Variants in MAPK10 observed in about 807,000 individuals in gnomAD.
MAPK10 encodes JNK3 alpha protein kinase.
MAPK10 carries 25 observed loss-of-function variants against 59.3 expected under a neutral mutation model. That is an observed-to-expected ratio of 0.42 (90% confidence interval 0.31 to 0.59). The LOEUF is 0.59. Among genes scored for constraint, MAPK10 ranks in the 20% least tolerant of loss-of-function variants. The pLI is 0.15. For missense variants in MAPK10, 351 were observed against 568.9 expected, an observed-to-expected ratio of 0.62 and a Z score of 3.90; for synonymous variants, 190 against 200.5, an observed-to-expected ratio of 0.95 and a Z score of 0.44.
chr4:86,227,411 CGGGA>C (rs1433957122), intron 2 of MAPK10, among the ~76,000 whole-genome samples: 2 of 149,454 alleles, frequency 1.3e-5, no homozygotes, highest in Non-Finnish European at 3.0e-5. Context: ...GGCGTGAACC[CGGGA>C]GGTGGAGCTT....
At chr4:86,168,204 G>C (rs967989530) in intron 3 of MAPK10, among the ~76,000 whole-genome samples, 5 of 152,236 alleles carry the variant, frequency 3.3e-5, no homozygotes, top group African/African-American at 1.2e-4. Flanking sequence ...GTGCCAGACA[G>C]TGGGTGCAGG....
chr4:86,501,103 C>A (rs1416561509), intron 1 of MAPK10, among the ~76,000 whole-genome samples: 1 of 115,042 alleles, frequency 8.7e-6, no homozygotes, highest in African/African-American at 3.5e-5. Context: ...ATGTGAAACT[C>A]TCTACGATCT....
intron 4 of MAPK10, among the ~76,000 whole-genome samples, chr4:86,115,918 T>A (rs1475289934): frequency 6.6e-6 from 1 of 152,230 alleles, no homozygotes; most frequent in East Asian, 1.9e-4. Flanking sequence ...TTGTGTTTGT[T>A]CTTTTTCACC....
intron 1 of MAPK10, among the ~76,000 whole-genome samples, chr4:86,548,320 A>C (rs1326246412): frequency 6.6e-6 from 1 of 152,112 alleles, no homozygotes; most frequent in Admixed American, 6.6e-5. Context: ...CTCCAAACAC[A>C]TCCGAACATC....
At chr4:86,565,132 C>T (rs1334632881) in intron 1 of MAPK10, among the ~76,000 whole-genome samples, 1 of 152,144 alleles carries the variant, frequency 6.6e-6, no homozygotes, top group East Asian at 1.9e-4. Flanking sequence ...GATGAGTCCG[C>T]CTCCTACTGT....
chr4:86,444,599 C>T (rs1432022696), intron 1 of MAPK10, among the ~76,000 whole-genome samples: 2 of 151,768 alleles, frequency 1.3e-5, no homozygotes, highest in African/African-American at 4.8e-5. Flanking sequence ...AGCTTCTGCA[C>T]AGCAAAAGAA....
chr4:86,315,732 A>G (rs2095770519), intron 2 of MAPK10, among the ~76,000 whole-genome samples: 1 of 152,118 alleles, frequency 6.6e-6, no homozygotes, highest in South Asian at 2.1e-4. Flanking sequence ...TTTCTAATGC[A>G]AATAACCAAA....
intron 1 of MAPK10, among the ~76,000 whole-genome samples, chr4:86,520,189 C>T (rs1258568859): frequency 6.6e-6 from 1 of 152,260 alleles, no homozygotes; most frequent in South Asian, 2.1e-4. Context: ...AAGTTTTCCT[C>T]GATTATTCCC....
At chr4:86,561,290 ACT>A (rs1186128082) in intron 1 of MAPK10, among the ~76,000 whole-genome samples, 1 of 152,012 alleles carries the variant, frequency 6.6e-6, no homozygotes, top group Non-Finnish European at 1.5e-5. Context: ...GTCCTGCAAG[ACT>A]CTGTCAGTTG....
intron 4 of MAPK10, among the ~76,000 whole-genome samples, chr4:86,127,223 C>CATCCTACTA (rs2060220555): frequency 1.5e-5 from 2 of 130,122 alleles, no homozygotes; most frequent in South Asian, 4.9e-4. Context: ...AAAAAAAAAG[C>CATCCTACTA]ATCCTACTAC....
At chr4:86,232,042 C>T (rs1170205471) in intron 2 of MAPK10, among the ~76,000 whole-genome samples, 1 of 152,222 alleles carries the variant, frequency 6.6e-6, no homozygotes, top group Non-Finnish European at 1.5e-5. Context: ...TAAAAAGTCA[C>T]ATAGTCAATA....
At chr4:86,121,439 C>A (rs1212995317) in intron 4 of MAPK10, among the ~76,000 whole-genome samples, 1 of 152,102 alleles carries the variant, frequency 6.6e-6, no homozygotes, top group Non-Finnish European at 1.5e-5. Flanking sequence ...CTAACAATAT[C>A]ACATTGGAGA....
chr4:86,169,247 C>G (rs2073142319), intron 3 of MAPK10, among the ~76,000 whole-genome samples: 1 of 152,184 alleles, frequency 6.6e-6, no homozygotes, highest in Non-Finnish European at 1.5e-5. Context: ...AAGAAGGCTA[C>G]AGACGATCAA....
Position 86,359,878 on chromosome 4 carries a change from T to C in MAPK10, c.-342A>G. ...TGAGGGGTGAGGACAAAAAAGGAAA[T>C]TTGTAAAAATGAAAAAAGAAAAGAA... On this transcript the variant is annotated 5_prime_UTR_variant, in exon 1 of 14. Transcript: ENST00000641462. The C allele has an allele frequency of 1.0e-6, 1 of 985,290 alleles. No homozygotes were observed. 61.0% of individuals were successfully genotyped at this position (985,290 alleles called of 1,614,324 possible). A position where few individuals can be genotyped will look rare whatever the true frequency, so the allele number is the denominator to read the frequency against.
chr4:86,263,866 T>A (rs1007531925), intron 2 of MAPK10, among the ~76,000 whole-genome samples: 4 of 152,194 alleles, frequency 2.6e-5, no homozygotes, highest in African/African-American at 9.7e-5. Context: ...ATTGATAACA[T>A]CATTGTAACC....
chr4:86,549,946 G>A (rs1759624889), intron 1 of MAPK10, among the ~76,000 whole-genome samples: 2 of 152,194 alleles, frequency 1.3e-5, no homozygotes, highest in East Asian at 3.9e-4. Context: ...AGGTTTCTAG[G>A]AATTTTTCAG....
chr4:86,266,915 T>A (rs564210652), intron 2 of MAPK10, among the ~76,000 whole-genome samples: 193 of 152,156 alleles, frequency 1.3e-3, no homozygotes, highest in African/African-American at 4.5e-3. Context: ...TATAGATATG[T>A]ATTTATGTAT....
At chr4:86,257,877 A>T (rs895236289) in intron 2 of MAPK10, among the ~76,000 whole-genome samples, 1 of 152,076 alleles carries the variant, frequency 6.6e-6, no homozygotes, top group Non-Finnish European at 1.5e-5. Context: ...TCTAAGTGTC[A>T]TTCTGAATAT....
At chr4:86,519,216 G>A (rs182007541) in intron 1 of MAPK10, among the ~76,000 whole-genome samples, 4 of 152,166 alleles carry the variant, frequency 2.6e-5, no homozygotes, top group Middle Eastern at 6.8e-3. Flanking sequence ...GTGGAGTATC[G>A]AAGTCCTCCA....
Sources: gnomAD v4.1 joint callset for allele counts (sites outside exome capture counted in the v4.1 genomes callset) on GRCh38, gnomAD v4.1.1 for gene constraint, MANE v1.5 for transcripts, NCBI Gene and HGNC (gene_info 2026-07-23, HGNC 2026-07-21) for gene names.